The following NGF variants were observed in gnomAD, a reference collection of about 807,000 sequenced individuals.
NGF encodes nerve growth factor.
Under a neutral mutation model 12.8 loss-of-function variants are expected in NGF, and 4 were observed. The ratio of observed to expected loss-of-function variants is 0.31; its 90% CI spans 0.15 to 0.72. The LOEUF is 0.72. Among genes scored for constraint, NGF ranks in the 30% least tolerant of loss-of-function variants. NGF has a pLI of 0.69. For synonymous variants in NGF, 140 were observed against 130.0 expected, an observed-to-expected ratio of 1.08 and a Z score of -0.52; for missense variants, 283 against 330.8, an observed-to-expected ratio of 0.86 and a Z score of 1.12.
chr1:115,290,680 C>T (rs1653668021), intron 2 of NGF, among the ~76,000 whole-genome samples: 1 of 152,194 alleles, frequency 6.6e-6, no homozygotes, highest in Non-Finnish European at 1.5e-5. Flanking sequence ...GCGTAAGCCA[C>T]CACGCCCTGC....
chr1:115,317,011 C>T (rs1285319690), intron 1 of NGF, among the ~76,000 whole-genome samples: 3 of 151,880 alleles, frequency 2.0e-5, no homozygotes, highest in African/African-American at 7.3e-5. Flanking sequence ...TTCAAATTTT[C>T]ATATTACTTT....
intron 1 of NGF, among the ~76,000 whole-genome samples, chr1:115,306,851 T>G (rs763694339): frequency 2.0e-5 from 3 of 152,188 alleles, no homozygotes; most frequent in Non-Finnish European, 4.4e-5. Context: ...ACAGTGACAT[T>G]TTGCAGACAC....
intron 1 of NGF, among the ~76,000 whole-genome samples, chr1:115,312,672 G>A (rs1045320667): frequency 1.3e-5 from 2 of 152,272 alleles, no homozygotes; most frequent in East Asian, 1.9e-4. Flanking sequence ...AGCCTGGCCT[G>A]TACAAGCCAA....
rs75924780 is a variant in NGF, at chr1:115,294,152, T to C, written c.-136-402A>G. ...AACTCTGAACCAGCCTAAAATACCT[T>C]ATACAGACGCAAAATCCCTGACAAT... On this transcript the variant is annotated intron_variant, in intron 1 of 2. Coordinates refer to ENST00000369512, the MANE Select transcript of NGF (RefSeq NM_002506.3). Among the ~76,000 whole-genome samples, 82 of 152,310 alleles carry C rather than the reference T, an allele frequency of 5.4e-4. 1 individual carries two copies. Among genetic ancestry groups the C allele is most frequent in the African/African-American group, 1.9e-3 (80 of 41,574 alleles).
intron 1 of NGF, among the ~76,000 whole-genome samples, chr1:115,326,244 T>C (rs1430275806): frequency 6.6e-6 from 1 of 152,134 alleles, no homozygotes; most frequent in East Asian, 1.9e-4. Context: ...ACATGTGTAT[T>C]CCTGAGGTGT....
chr1:115,299,613 C>A (rs181030371), intron 1 of NGF, among the ~76,000 whole-genome samples: 2 of 152,266 alleles, frequency 1.3e-5, no homozygotes, highest in African/African-American at 2.4e-5. Flanking sequence ...GAGTTGAGGG[C>A]AGAATATTTT....
At chr1:115,322,404 T>C (rs1021347688) in intron 1 of NGF, among the ~76,000 whole-genome samples, 2 of 152,114 alleles carry the variant, frequency 1.3e-5, no homozygotes, top group African/African-American at 4.8e-5. Context: ...TGCCTTTACA[T>C]GTGACAAAGC....
intron 1 of NGF, among the ~76,000 whole-genome samples, chr1:115,310,545 A>G (rs769548020): frequency 3.9e-5 from 6 of 152,150 alleles, no homozygotes; most frequent in Non-Finnish European, 7.4e-5. Context: ...AACATGGTCA[A>G]CCCGTGAGCA....
intron 1 of NGF, among the ~76,000 whole-genome samples, chr1:115,296,583 G>A (rs569313088): frequency 3.9e-5 from 6 of 152,268 alleles, no homozygotes; most frequent in Admixed American, 1.3e-4. Flanking sequence ...GCATGCCAGG[G>A]CCAGGGTCTC....
chr1:115,294,553 G>A (rs1292007296), intron 1 of NGF, among the ~76,000 whole-genome samples: 2 of 152,214 alleles, frequency 1.3e-5, no homozygotes, highest in Admixed American at 6.5e-5. Flanking sequence ...ACAGTGTTGT[G>A]TAAATAAGCA....
chr1:115,326,525 C>A (rs141327384), intron 1 of NGF, among the ~76,000 whole-genome samples: 315 of 152,318 alleles, frequency 2.1e-3, no homozygotes, highest in Non-Finnish European at 4.0e-3. Context: ...ACTCCTGGGA[C>A]TGGAACCTTG....
chr1:115,302,638 CT>C (rs751994514), intron 1 of NGF, among the ~76,000 whole-genome samples: 6 of 152,250 alleles, frequency 3.9e-5, no homozygotes, highest in Non-Finnish European at 7.3e-5. Flanking sequence ...CAGCAGGCCT[CT>C]GTCTGTAAAG....
chr1:115,311,739 C>G (rs1343992857), intron 1 of NGF, among the ~76,000 whole-genome samples: 1 of 151,952 alleles, frequency 6.6e-6, no homozygotes, highest in Non-Finnish European at 1.5e-5. Context: ...GAAGAATTCT[C>G]AAATACATAA....
chr1:115,327,832 G>A (rs981648466), intron 1 of NGF, among the ~76,000 whole-genome samples: 1 of 152,174 alleles, frequency 6.6e-6, no homozygotes, highest in African/African-American at 2.4e-5. Flanking sequence ...GGTGGGGGCA[G>A]GGCATGATGT....
intron 2 of NGF, among the ~76,000 whole-genome samples, chr1:115,290,818 GT>G (rs932197048): frequency 2.0e-5 from 3 of 152,054 alleles, no homozygotes; most frequent in African/African-American, 7.3e-5. Flanking sequence ...TTGCCCCCAG[GT>G]GACCTAGAAC....
At chr1:115,313,402 G>A (rs1457696071) in intron 1 of NGF, among the ~76,000 whole-genome samples, 1 of 152,188 alleles carries the variant, frequency 6.6e-6, no homozygotes, top group East Asian at 1.9e-4. Flanking sequence ...TGCTGGCCCA[G>A]ACCCTTAGAT....
At chr1:115,300,825 T>A (rs920341398) in intron 1 of NGF, among the ~76,000 whole-genome samples, 3 of 152,232 alleles carry the variant, frequency 2.0e-5, no homozygotes, top group African/African-American at 7.2e-5. Context: ...CTGTTTTAGC[T>A]ACTTCCTGTG....
At chr1:115,333,017 G>A (rs1490786440) in intron 1 of NGF, among the ~76,000 whole-genome samples, 1 of 152,184 alleles carries the variant, frequency 6.6e-6, no homozygotes. Context: ...AGACATGCAA[G>A]TCACTCCATT....
chr1:115,289,195 C>G (rs1306708827), intron 2 of NGF, among the ~76,000 whole-genome samples: 1 of 152,052 alleles, frequency 6.6e-6, no homozygotes, highest in Non-Finnish European at 1.5e-5. Context: ...CAAATCTAAA[C>G]CTTTTACTTT....
Sources: gnomAD v4.1 joint callset for allele counts (sites outside exome capture counted in the v4.1 genomes callset) on GRCh38, gnomAD v4.1.1 for gene constraint, MANE v1.5 for transcripts, NCBI Gene and HGNC (gene_info 2026-07-23, HGNC 2026-07-21) for gene names.